The following RRP12 variants were observed in gnomAD, a reference collection of about 807,000 sequenced individuals.
RRP12 encodes the protein RRP12-like protein.
Under a neutral mutation model 157.3 loss-of-function variants are expected in RRP12, and 78 were observed. The observed-to-expected ratio is 0.50, with a 90% CI of 0.41 to 0.60. The LOEUF (loss-of-function observed/expected upper bound fraction) is 0.60. Among genes scored for constraint, RRP12 ranks in the 20% least tolerant of loss-of-function variants. RRP12 has a pLI of 0.00. For missense variants in RRP12, 1,521 were observed against 1,679.9 expected (o/e 0.91, Z 1.65); for synonymous variants, 726 against 670.9 (o/e 1.08, Z -1.27).
At chr10:97,363,983 C>T in intron 29 of RRP12, 80 bp from the exon 30 acceptor site, 1 of 1,326,754 alleles carries the variant, frequency 7.5e-7, no homozygotes, top group Non-Finnish European at 1.1e-6. Flanking sequence ...CCTCCTGGCT[C>T]ACCAGGCTGC....
intron 14 of RRP12, 52 bp from the exon 15 acceptor site, chr10:97,379,466 G>T: frequency 6.2e-7 from 1 of 1,609,262 alleles, no homozygotes; most frequent in Non-Finnish European, 8.5e-7. Flanking sequence ...AGCCCTGAGG[G>T]CAGTGCATAG....
At chr10:97,364,357 T>A (rs1843918122) in intron 29 of RRP12, among the ~76,000 whole-genome samples, 1 of 152,132 alleles carries the variant, frequency 6.6e-6, no homozygotes, top group African/African-American at 2.4e-5. Flanking sequence ...GAATATAAAG[T>A]ATGAAACTGA....
chr10:97,373,707 T>A lies in RRP12; in HGVS notation c.1894A>T (p.Arg632Trp). The A allele has an allele frequency of 6.2e-7, 1 of 1,613,610 alleles. No individual in the cohort carries two copies. The highest frequency in any genetic ancestry group is 8.5e-7 in the Non-Finnish European group (1 of 1,179,606). The change falls in exon 17 of 34, where the codon AGG (arginine) becomes TGG (tryptophan). Residue 632 changes from arginine (R) to tryptophan (W), a missense_variant. Coordinates refer to ENST00000370992, the MANE Select transcript of RRP12 (RefSeq NM_015179.4). ...MWTLLPGFCT[R>W]PTDVAISFKG... ...AAGGAGATGGCCACATCTGTAGGCCTTGTGCAGAACCCAGGCAGGAGTGTC... is the reference window on the plus strand; with the variant it reads ...AAGGAGATGGCCACATCTGTAGGCCATGTGCAGAACCCAGGCAGGAGTGTC...
intron 15 of RRP12, 47 bp downstream of exon 15, chr10:97,379,246 G>C (rs1168765728): frequency 1.2e-6 from 2 of 1,607,486 alleles, no homozygotes; most frequent in Admixed American, 3.3e-5. Flanking sequence ...GGAGGTTCCA[G>C]GACTGTGGGG....
At chr10:97,369,604 T>C in intron 24 of RRP12, 22 bp from the exon 25 acceptor site, 4 of 1,549,572 alleles carry the variant, frequency 2.6e-6, no homozygotes, top group Non-Finnish European at 3.5e-6. Flanking sequence ...AGGGGGTCAC[T>C]GTCTAAGACA....
chr10:97,361,215 G>A (rs1564747360), intron 30 of RRP12, among the ~76,000 whole-genome samples: 1 of 152,178 alleles, frequency 6.6e-6, no homozygotes, highest in Non-Finnish European at 1.5e-5. Context: ...AGTAAGACAC[G>A]TCAGCTCGTC....
At chr10:97,363,596 C>T (rs1049556900) in intron 30 of RRP12, among the ~76,000 whole-genome samples, 1 of 152,204 alleles carries the variant, frequency 6.6e-6, no homozygotes, top group East Asian at 1.9e-4. Flanking sequence ...GAAGCTGCTG[C>T]CCTTGCCCCT....
Position 97,390,730 on chromosome 10 carries a change from GAC to G in RRP12, c.636+7_636+8del, listed in dbSNP as rs1177858136. 6.3e-7 allele frequency: 1 copy of G among 1,590,380 alleles called. No individual in the cohort carries two copies. The highest frequency in any genetic ancestry group is 1.7e-5 in the Admixed American group (1 of 59,962). On this transcript the variant is annotated splice_region_variant and intron_variant, in intron 5 of 33. Transcript: ENST00000370992. ...TCGCCAGATGAGAAACTAAACCCCA[GAC>G]ACTAACCCATCGGAGGACAGAGGTG...
intron 31 of RRP12, 132 bp downstream of exon 31, chr10:97,360,414 C>A (rs779304480): frequency 1.4e-6 from 1 of 721,002 alleles, no homozygotes; most frequent in Non-Finnish European, 2.5e-6. Flanking sequence ...TATCAGCCAA[C>A]CTCTGTTGGT....
At chr10:97,357,622 C>A (rs1417004714) in intron 33 of RRP12, among the ~76,000 whole-genome samples, 1 of 152,130 alleles carries the variant, frequency 6.6e-6, no homozygotes, top group Non-Finnish European at 1.5e-5. Context: ...TAATTTCCTA[C>A]CAATAAAGGG....
intron 6 of RRP12, 52 bp from the exon 7 acceptor site, chr10:97,388,676 T>G (rs763439706): frequency 6.3e-7 from 1 of 1,596,388 alleles, no homozygotes; most frequent in East Asian, 2.2e-5. Context: ...TCCACCAGCA[T>G]CTTGGGTGTC....
In RRP12 at chr10:97,370,953, C is replaced by T. The variant is rs1436106826; in HGVS notation, c.2472G>A (p.Ser824=). 12 of 1,614,008 alleles carry T rather than the reference C, an allele frequency of 7.4e-6. No individual in the cohort carries two copies. The highest frequency in any genetic ancestry group is 6.7e-5 in the Admixed American group (4 of 60,012). Residue 824 remains serine, a synonymous_variant, in exon 21 of 34, where the codon TCG becomes TCA. Coordinates refer to ENST00000370992, the MANE Select transcript of RRP12 (RefSeq NM_015179.4). The stretch of plus-strand genomic sequence containing the variant: ...TGGCGGGTGAGGAGGTGCTCCGCAG[C>T]GAGTCCAGCAGTGTCTTCTTCAGGT... ...LEDLKKTLLD[S]LRSTSSPAKR... is the part of the protein sequence containing the mutation.
chr10:97,357,688 G>C (rs769031291), intron 33 of RRP12, among the ~76,000 whole-genome samples: 2 of 152,210 alleles, frequency 1.3e-5, no homozygotes, highest in South Asian at 4.1e-4. Context: ...GCTGGGCGTG[G>C]TGGCTCATGC....
At position 97,381,447 on chromosome 10, in the gene RRP12, C is replaced by T; in HGVS notation, c.1357G>A (p.Asp453Asn). 1 of 1,613,490 alleles carries T rather than the reference C, an allele frequency of 6.2e-7. No individual in the cohort carries two copies. The highest frequency in any genetic ancestry group is 8.5e-7 in the Non-Finnish European group (1 of 1,179,802). Residue 453 changes from aspartate to asparagine, a missense_variant, in exon 12 of 34, where the codon GAC becomes AAC. Physicochemically the swap from Asp to Asn is conservative, Grantham distance 23. Transcript: ENST00000370992. ...LKECVAPHMA[D>N]IGSVTSSASG... is the part of the protein sequence containing the mutation. The stretch of plus-strand genomic sequence containing the variant: ...GCCGAGGAGGTCACGGAGCCAATGT[C>T]AGCCATGTGGGGAGCCACGCATTCC...
intron 32 of RRP12, 25 bp downstream of exon 32, chr10:97,358,918 C>A (rs1402701652): frequency 6.3e-7 from 1 of 1,599,094 alleles, no homozygotes; most frequent in Non-Finnish European, 8.6e-7. Context: ...GCCAGGAGAC[C>A]CCATGCCCTA....
At chr10:97,367,439 A>G (rs914337186) in intron 25 of RRP12, 3 of 415,428 alleles carry the variant, frequency 7.2e-6, no homozygotes, top group African/African-American at 6.1e-5. Flanking sequence ...CCCCTGAGAT[A>G]CATGCTATCA....
intron 6 of RRP12, among the ~76,000 whole-genome samples, chr10:97,388,839 C>T (rs1380875239): frequency 2.0e-5 from 3 of 152,216 alleles, no homozygotes; most frequent in Admixed American, 6.5e-5. Flanking sequence ...TGCTCTACAA[C>T]TAACTCACCA....
At chr10:97,362,824 C>T (rs537477634) in intron 30 of RRP12, among the ~76,000 whole-genome samples, 86 of 152,328 alleles carry the variant, frequency 5.6e-4, no homozygotes, top group Admixed American at 1.2e-3. Flanking sequence ...ATAACAAACT[C>T]CTCCTCGGGC....
At chr10:97,388,907 C>A (rs1844716506) in intron 6 of RRP12, among the ~76,000 whole-genome samples, 1 of 152,138 alleles carries the variant, frequency 6.6e-6, no homozygotes. Flanking sequence ...ATCTTGAAAA[C>A]AGGGGTTTCT....
Sources: allele counts gnomAD v4.1 joint callset (sites outside exome capture counted in the v4.1 genomes callset), GRCh38; gene constraint gnomAD v4.1.1; transcripts MANE v1.5; gene names NCBI Gene and HGNC (gene_info 2026-07-23, HGNC 2026-07-21).